Variants in CENPU observed in about 807,000 individuals in gnomAD.
The protein encoded by CENPU is KSHV latent nuclear antigen interacting protein 1.
In CENPU, 46 loss-of-function variants were observed where a neutral mutation model predicts 56.7. The ratio of observed to expected loss-of-function variants is 0.81; its 90% CI spans 0.64 to 1.04. The LOEUF is 1.04. CENPU is among the 50% of genes least tolerant of loss of function. The pLI is 0.00. For missense variants in CENPU, 510 were observed against 490.1 expected, an observed-to-expected ratio of 1.04 and a Z score of -0.38; for synonymous variants, 166 against 163.0, an observed-to-expected ratio of 1.02 and a Z score of -0.14.
chr4:184,703,262 T>C (rs1029067039), intron 8 of CENPU, among the ~76,000 whole-genome samples: 2 of 152,350 alleles, frequency 1.3e-5, no homozygotes, highest in South Asian at 4.1e-4. Context: ...CAGCAGACTT[T>C]ATTCCCTCCC....
chr4:184,727,986 G>A (rs374569365), intron 3 of CENPU, among the ~76,000 whole-genome samples: 1 of 152,204 alleles, frequency 6.6e-6, no homozygotes. Context: ...CTTGAAGGAA[G>A]GGGGAAGAGG....
At chr4:184,730,689 T>C (rs1030595748) in intron 2 of CENPU, among the ~76,000 whole-genome samples, 2 of 152,064 alleles carry the variant, frequency 1.3e-5, no homozygotes, top group African/African-American at 4.8e-5. Context: ...TGAAGTCAAT[T>C]ATCTAAACGA....
At chr4:184,726,033 A>G (rs1761439385) in intron 3 of CENPU, among the ~76,000 whole-genome samples, 1 of 152,200 alleles carries the variant, frequency 6.6e-6, no homozygotes, top group Admixed American at 6.5e-5. Context: ...TTCATGCTCA[A>G]AGTTTAGCAT....
At chr4:184,700,950 G>A in intron 10 of CENPU, 69 bp from the exon 11 acceptor site, 1 of 1,281,420 alleles carries the variant, frequency 7.8e-7, no homozygotes, top group Admixed American at 1.7e-5. Flanking sequence ...TAAGCTGCCA[G>A]GTAATGAAGT....
At chr4:184,722,694 A>G (rs1357100914) in intron 4 of CENPU, among the ~76,000 whole-genome samples, 1 of 144,390 alleles carries the variant, frequency 6.9e-6, no homozygotes, top group Admixed American at 6.8e-5. Context: ...ACCAGTAAAA[A>G]CAAAACAAAA....
At chr4:184,711,950 G>A (rs972564230) in intron 7 of CENPU, among the ~76,000 whole-genome samples, 13 of 151,798 alleles carry the variant, frequency 8.6e-5, no homozygotes, top group Non-Finnish European at 1.8e-4. Flanking sequence ...GTAAAACCCC[G>A]TCTCTACTAA....
Position 184,694,445 on chromosome 4 carries a change from G to T in CENPU, c.*843C>A. ...TCACTTAATACCTTACTTCAACATAGAGTATAAGGTTAAATCACATATCCT... is the reference window on the plus strand; with the variant it reads ...TCACTTAATACCTTACTTCAACATATAGTATAAGGTTAAATCACATATCCT... On this transcript the variant is annotated 3_prime_UTR_variant, in exon 13 of 13. Coordinates refer to ENST00000281453, the MANE Select transcript of CENPU (RefSeq NM_024629.4). The T allele has an allele frequency of 1.3e-6, 2 of 1,510,556 alleles. No homozygotes were observed. The highest frequency in any genetic ancestry group is 2.3e-5 in the East Asian group (1 of 42,590). 93.6% of individuals were successfully genotyped at this position (1,510,556 alleles called of 1,614,324 possible).
In CENPU at chr4:184,716,614, G is replaced by A; in HGVS notation, c.401C>T (p.Pro134Leu). Residue 134 changes from proline (P) to leucine (L), a missense_variant, in exon 6 of 13, where the codon CCC (proline) becomes CTC (leucine). Coordinates refer to ENST00000281453, the MANE Select transcript of CENPU (RefSeq NM_024629.4). ...SAKKPGRKLR[P>L]ISDDSESIEE... ...AATGCTTTCAGAGTCATCACTAATG[G>A]GCCTGAGCTTTCTTCCTGGCTGTGT... is the stretch of plus-strand genomic sequence containing the variant. The A allele has an allele frequency of 6.2e-7, 1 of 1,613,752 alleles. No homozygotes were observed. The highest frequency in any genetic ancestry group is 8.5e-7 in the Non-Finnish European group (1 of 1,179,856).
chr4:184,708,087 G>C (rs934068991), intron 8 of CENPU, among the ~76,000 whole-genome samples: 1 of 151,950 alleles, frequency 6.6e-6, no homozygotes, highest in Non-Finnish European at 1.5e-5. Context: ...AGCTGGGCGT[G>C]GTGGCGCATG....
intron 6 of CENPU, among the ~76,000 whole-genome samples, chr4:184,714,317 C>T (rs1157543852): frequency 1.3e-5 from 2 of 152,114 alleles, no homozygotes; most frequent in Non-Finnish European, 2.9e-5. Context: ...CTAGTATCTA[C>T]AGGCAGGCAA....
Position 184,710,058 on chromosome 4 carries a change from A to G in CENPU, c.797+14T>C. The G allele has an allele frequency of 5.3e-6, 8 of 1,519,466 alleles. No homozygotes were observed. The highest frequency in any genetic ancestry group is 7.3e-6 in the Non-Finnish European group (8 of 1,097,412). The allele number at this position is 1,519,466 out of a possible 1,614,324, so 94.1% of individuals were successfully genotyped here. On this transcript the variant is annotated intron_variant, in intron 8 of 12. Transcript: ENST00000281453. ...ATTTATTAGGTAAATATAGCACATC[A>G]TCAAAAGACTTACTGATGCTCTAGG...
chr4:184,701,399 T>C (rs191259802), intron 10 of CENPU, among the ~76,000 whole-genome samples: 31 of 152,066 alleles, frequency 2.0e-4, no homozygotes, highest in African/African-American at 7.5e-4. Context: ...AACAAAAACA[T>C]CCCAGAGCTT....
chr4:184,704,996 A>G (rs528276215), intron 8 of CENPU, among the ~76,000 whole-genome samples: 2 of 152,340 alleles, frequency 1.3e-5, no homozygotes, highest in Non-Finnish European at 2.9e-5. Context: ...AAGATCATAC[A>G]CCGTGGAAAA....
chr4:184,705,388 G>T (rs7660116), intron 8 of CENPU, among the ~76,000 whole-genome samples: 1 of 151,912 alleles, frequency 6.6e-6, no homozygotes, highest in Non-Finnish European at 1.5e-5. Flanking sequence ...AATGGAGAAC[G>T]GGTTAGTGGT....
Position 184,700,767 on chromosome 4 carries a change from C to T in CENPU, c.986+53G>A, listed in dbSNP as rs932524153. 20 of 1,447,260 alleles carry T rather than the reference C, an allele frequency of 1.4e-5. 1 individual carries two copies. The highest frequency in any genetic ancestry group is 4.2e-5 in the African/African-American group (3 of 71,830). The allele number at this position is 1,447,260 out of a possible 1,614,324, so 89.7% of individuals were successfully genotyped here. A position where few individuals can be genotyped will look rare whatever the true frequency, so the allele number is the denominator to read the frequency against. Reference sequence around the variant, plus strand: ...AGTGTCACTCCCCTAAATGACACACCATCATTACATCCTTTTAGGTAAGTG... The same window carrying T: ...AGTGTCACTCCCCTAAATGACACACTATCATTACATCCTTTTAGGTAAGTG... On this transcript the variant is annotated intron_variant, in intron 11 of 12. Coordinates refer to ENST00000281453, the MANE Select transcript of CENPU (RefSeq NM_024629.4).
At chr4:184,727,359 G>A (rs1420154408) in intron 3 of CENPU, among the ~76,000 whole-genome samples, 2 of 152,158 alleles carry the variant, frequency 1.3e-5, no homozygotes, top group South Asian at 2.1e-4. Context: ...GGATGGTGAT[G>A]ATGGTTGCAC....
chr4:184,707,425 G>T (rs760092897), intron 8 of CENPU, among the ~76,000 whole-genome samples: 1 of 152,114 alleles, frequency 6.6e-6, no homozygotes, highest in Non-Finnish European at 1.5e-5. Context: ...ACTGAAACTG[G>T]GGTTGGACTT....
chr4:184,711,973 T>C (rs1332358949), intron 7 of CENPU, among the ~76,000 whole-genome samples: 1 of 151,846 alleles, frequency 6.6e-6, no homozygotes, highest in African/African-American at 2.4e-5. Context: ...TACAAAAAAT[T>C]AGCCGGGCAT....
intron 11 of CENPU, chr4:184,698,454 T>C (rs1194630259): frequency 6.6e-6 from 1 of 152,182 alleles, no homozygotes; most frequent in African/African-American, 2.4e-5. Flanking sequence ...AACGTCTTTT[T>C]TGTTTGTTTT....
Sources: allele counts gnomAD v4.1 joint callset (sites outside exome capture counted in the v4.1 genomes callset), GRCh38; gene constraint gnomAD v4.1.1; transcripts MANE v1.5; gene names NCBI Gene and HGNC (gene_info 2026-07-23, HGNC 2026-07-21).